The following LRMDA variants were observed in gnomAD, a reference collection of about 807,000 sequenced individuals.
LRMDA encodes the protein leucine rich melanocyte differentiation associated, also known as leucine-rich melanocyte differentiation-associated protein.
Under a neutral mutation model 29.8 loss-of-function variants are expected in LRMDA, and 18 were observed. The observed-to-expected ratio is 0.60, with a 90% CI of 0.42 to 0.90. The LOEUF (loss-of-function observed/expected upper bound fraction) is 0.90, where lower values mean the gene tolerates loss of function less well. LRMDA is among the 40% of genes least tolerant of loss of function. The pLI is 0.00. For missense variants in LRMDA, 273 were observed against 273.9 expected (o/e 1.00, Z 0.02); for synonymous variants, 125 against 109.4 (o/e 1.14, Z -0.89).
chr10:76,013,006 G>C (rs1383243167), intron 2 of LRMDA, among the ~76,000 whole-genome samples: 3 of 152,178 alleles, frequency 2.0e-5, no homozygotes, highest in African/African-American at 7.2e-5. Flanking sequence ...CTTTGCGGGA[G>C]GGGGAGAAGG....
At chr10:75,571,889 C>T (rs963645260) in intron 2 of LRMDA, among the ~76,000 whole-genome samples, 2 of 152,060 alleles carry the variant, frequency 1.3e-5, no homozygotes, top group South Asian at 4.2e-4. Flanking sequence ...TCCAAATGAT[C>T]CCTGTTGCTT....
At chr10:75,442,068 T>G (rs778338736) in intron 2 of LRMDA, among the ~76,000 whole-genome samples, 33 of 152,362 alleles carry the variant, frequency 2.2e-4, no homozygotes, top group Admixed American at 9.8e-4. Context: ...TCAGTTTTTG[T>G]GTCATCTTCC....
chr10:75,685,897 A>G (rs1283974186), intron 2 of LRMDA, among the ~76,000 whole-genome samples: 1 of 152,240 alleles, frequency 6.6e-6, no homozygotes, highest in Non-Finnish European at 1.5e-5. Flanking sequence ...TTGCTTGACT[A>G]TATGCCAGCT....
chr10:76,303,984 C>G (rs1424013833), intron 5 of LRMDA, among the ~76,000 whole-genome samples: 1 of 152,118 alleles, frequency 6.6e-6, no homozygotes, highest in Non-Finnish European at 1.5e-5. Flanking sequence ...GTTTTCTCCC[C>G]TGATGACAGC....
Position 75,577,155 on chromosome 10 carries a change from G to A in LRMDA, c.131+138661G>A, listed in dbSNP as rs369629550. 2.6e-4 allele frequency among the ~76,000 whole-genome samples: 39 copies of A among 152,272 alleles called. No homozygotes were observed. In the East Asian group the frequency reaches 7.3e-3, roughly 29 times the overall value. On this transcript the variant is annotated intron_variant, in intron 2 of 6. Coordinates refer to ENST00000611255, the MANE Select transcript of LRMDA (RefSeq NM_001305581.2). Reference sequence around the variant, plus strand: ...AAGACCCTTGAGAAAAAGGTTAGACGAATTGCTAACTAGAATAACCAGTAT... The same window carrying A: ...AAGACCCTTGAGAAAAAGGTTAGACAAATTGCTAACTAGAATAACCAGTAT...
At chr10:76,274,480 G>T (rs931563283) in intron 5 of LRMDA, among the ~76,000 whole-genome samples, 2 of 152,142 alleles carry the variant, frequency 1.3e-5, no homozygotes, top group African/African-American at 4.8e-5. Context: ...ATTAAAAGTG[G>T]ATATTGTATG....
chr10:75,776,534 C>T (rs562068656), intron 2 of LRMDA, among the ~76,000 whole-genome samples: 1 of 152,282 alleles, frequency 6.6e-6, no homozygotes, highest in Non-Finnish European at 1.5e-5. Context: ...ATTTCCCATT[C>T]CATGTTTGGC....
At chr10:75,710,413 C>T (rs1377976848) in intron 2 of LRMDA, among the ~76,000 whole-genome samples, 6 of 152,196 alleles carry the variant, frequency 3.9e-5, no homozygotes, top group East Asian at 3.8e-4. Context: ...CAGTACTAGG[C>T]GTGATGCTTC....
intron 2 of LRMDA, among the ~76,000 whole-genome samples, chr10:75,819,925 A>G (rs1490858746): frequency 1.3e-5 from 2 of 152,224 alleles, no homozygotes; most frequent in Non-Finnish European, 2.9e-5. Context: ...AAAAGGATGT[A>G]AAATATCTCA....
intron 2 of LRMDA, among the ~76,000 whole-genome samples, chr10:75,984,830 G>A (rs1232817726): frequency 2.6e-5 from 4 of 152,188 alleles, no homozygotes; most frequent in African/African-American, 7.2e-5. Flanking sequence ...GCTCAAGAAC[G>A]TAAGCTGTTG....
intron 2 of LRMDA, among the ~76,000 whole-genome samples, chr10:75,465,565 G>A (rs547390471): frequency 6.6e-6 from 1 of 152,292 alleles, no homozygotes; most frequent in East Asian, 1.9e-4. Context: ...TTAGAAACAT[G>A]TCGGTGGTAA....
chr10:76,547,573 G>T (rs1170134960), intron 6 of LRMDA, among the ~76,000 whole-genome samples: 1 of 152,068 alleles, frequency 6.6e-6, no homozygotes, highest in Non-Finnish European at 1.5e-5. Flanking sequence ...TGATGCTCCC[G>T]ACTTCAGCTA....
chr10:76,104,807 C>T (rs921976749), intron 5 of LRMDA, among the ~76,000 whole-genome samples: 2 of 152,070 alleles, frequency 1.3e-5, no homozygotes, highest in African/African-American at 4.8e-5. Flanking sequence ...TGGAACCCCC[C>T]TCTGGCTGCC....
At chr10:75,693,961 T>C (rs182464786) in intron 2 of LRMDA, among the ~76,000 whole-genome samples, 3 of 152,318 alleles carry the variant, frequency 2.0e-5, no homozygotes, top group Non-Finnish European at 4.4e-5. Flanking sequence ...AAAAGCTTTT[T>C]TGTTTGTTTG....
intron 2 of LRMDA, among the ~76,000 whole-genome samples, chr10:75,469,152 T>A (rs1348053642): frequency 2.0e-5 from 3 of 151,962 alleles, no homozygotes; most frequent in Non-Finnish European, 4.4e-5. Flanking sequence ...CTGGCTCTCT[T>A]GGCTTTTTAG....
At chr10:76,347,317 G>A (rs370318797) in intron 6 of LRMDA, among the ~76,000 whole-genome samples, 17 of 152,120 alleles carry the variant, frequency 1.1e-4, no homozygotes, top group East Asian at 1.9e-4. Flanking sequence ...ATCTGATAAC[G>A]AAAGGTCTTA....
intron 2 of LRMDA, among the ~76,000 whole-genome samples, chr10:76,027,245 T>C (rs925578940): frequency 2.0e-5 from 3 of 152,290 alleles, no homozygotes; most frequent in East Asian, 1.9e-4. Flanking sequence ...GTAGAGTGGA[T>C]TGGGATCAGA....
At chr10:75,696,730 C>T (rs1842240055) in intron 2 of LRMDA, among the ~76,000 whole-genome samples, 1 of 152,174 alleles carries the variant, frequency 6.6e-6, no homozygotes, top group African/African-American at 2.4e-5. Context: ...TGGAGAGGAG[C>T]ATGATGGAGA....
chr10:75,885,923 T>C (rs1022211453), intron 2 of LRMDA, among the ~76,000 whole-genome samples: 4 of 152,190 alleles, frequency 2.6e-5, no homozygotes, highest in African/African-American at 4.8e-5. Context: ...ATAGAAGTTG[T>C]TTGGTATGTT....
Sources: allele counts gnomAD v4.1 joint callset (sites outside exome capture counted in the v4.1 genomes callset), GRCh38; gene constraint gnomAD v4.1.1; transcripts MANE v1.5; gene names NCBI Gene and HGNC (gene_info 2026-07-23, HGNC 2026-07-21).